Variants in SLC44A5 observed in about 807,000 individuals in gnomAD.
The protein encoded by SLC44A5 is choline transporter-like protein 5.
Under a neutral mutation model 101.8 loss-of-function variants are expected in SLC44A5, and 57 were observed. The observed-to-expected ratio is 0.56, with a 90% CI of 0.45 to 0.70. The LOEUF (loss-of-function observed/expected upper bound fraction) is 0.70, where lower values mean the gene tolerates loss of function less well. Among genes scored for constraint, SLC44A5 ranks in the 30% least tolerant of loss-of-function variants. The pLI, the probability that SLC44A5 is intolerant of heterozygous loss-of-function variation, is 0.00. For missense variants in SLC44A5, 737 were observed against 853.1 expected (o/e 0.86, Z 1.70); for synonymous variants, 281 against 290.9 (o/e 0.97, Z 0.35).
intron 4 of SLC44A5, among the ~76,000 whole-genome samples, chr1:75,311,897 A>G (rs1360606738): frequency 6.6e-6 from 1 of 152,170 alleles, no homozygotes; most frequent in Non-Finnish European, 1.5e-5. Flanking sequence ...AGCAAATGCA[A>G]AGGCCCTGAG....
intron 7 of SLC44A5, among the ~76,000 whole-genome samples, chr1:75,250,913 T>C (rs1243345415): frequency 6.6e-6 from 1 of 152,172 alleles, no homozygotes; most frequent in Non-Finnish European, 1.5e-5. Flanking sequence ...TAATACAATG[T>C]TGATCTTGAT....
the SLC44A5 span, among the ~76,000 whole-genome samples, chr1:75,623,402 A>T: frequency 6.6e-6 from 1 of 152,140 alleles, no homozygotes; most frequent in African/African-American, 2.4e-5. Context: ...AGGCCCAGGT[A>T]GGAAATTCAA....
At chr1:75,674,446 C>A in the SLC44A5 span, among the ~76,000 whole-genome samples, 1 of 152,008 alleles carries the variant, frequency 6.6e-6, no homozygotes, top group Non-Finnish European at 1.5e-5. Flanking sequence ...ATGGCACGAT[C>A]TCAGCTCACT....
chr1:75,712,713 A>AAAAATGAAAAAAAAAAAAAAAAAAAAAAC, the SLC44A5 span, among the ~76,000 whole-genome samples: 2 of 110,642 alleles, frequency 1.8e-5, no homozygotes, highest in Non-Finnish European at 3.5e-5. Context: ...AAAAAAAAAA[A>AAAAATGAAAAAAAAAAAAAAAAAAAAAAC]ATGGAAAAGA....
intron 2 of SLC44A5, among the ~76,000 whole-genome samples, chr1:75,527,258 GA>G (rs1179523348): frequency 6.9e-6 from 1 of 145,914 alleles, no homozygotes; most frequent in African/African-American, 2.5e-5. Context: ...GAGAAGGAAA[GA>G]GAGAGAAAGT....
At chr1:75,661,796 A>G in the SLC44A5 span, among the ~76,000 whole-genome samples, 1 of 152,156 alleles carries the variant, frequency 6.6e-6, no homozygotes, top group Non-Finnish European at 1.5e-5. Flanking sequence ...TCACAATGAG[A>G]TATCACCTCA....
the SLC44A5 span, among the ~76,000 whole-genome samples, chr1:75,647,182 A>T: frequency 6.6e-6 from 1 of 152,178 alleles, no homozygotes; most frequent in Non-Finnish European, 1.5e-5. Flanking sequence ...CCATGGCTAA[A>T]AGGGGCCAAC....
At chr1:75,362,781 G>T (rs1368604168) in intron 3 of SLC44A5, among the ~76,000 whole-genome samples, 2 of 152,018 alleles carry the variant, frequency 1.3e-5, no homozygotes, top group Non-Finnish European at 2.9e-5. Context: ...CTGTTGGACT[G>T]CATGTTCTTT....
chr1:75,663,285 C>T, the SLC44A5 span, among the ~76,000 whole-genome samples: 2 of 151,952 alleles, frequency 1.3e-5, no homozygotes, highest in African/African-American at 4.8e-5. Context: ...GGATTTATGC[C>T]CTTATGAAAG....
the SLC44A5 span, among the ~76,000 whole-genome samples, chr1:75,670,126 AAGAT>A: frequency 2.6e-5 from 4 of 152,180 alleles, no homozygotes; most frequent in African/African-American, 9.6e-5. Context: ...AGAGATCAAA[AAGAT>A]AGAAGATATG....
At chr1:75,265,250 T>G in intron 6 of SLC44A5, among the ~76,000 whole-genome samples, 1 of 152,190 alleles carries the variant, frequency 6.6e-6, no homozygotes, top group East Asian at 1.9e-4. Flanking sequence ...TTATAAGTCA[T>G]TCTGTGAGGC....
intron 4 of SLC44A5, among the ~76,000 whole-genome samples, chr1:75,333,586 C>T (rs1657219670): frequency 6.6e-6 from 1 of 151,942 alleles, no homozygotes; most frequent in Admixed American, 6.6e-5. Flanking sequence ...ATTAACTATG[C>T]TTTCTATGTG....
At chr1:75,365,220 G>A (rs1569989464) in intron 3 of SLC44A5, among the ~76,000 whole-genome samples, 1 of 152,150 alleles carries the variant, frequency 6.6e-6, no homozygotes, top group East Asian at 1.9e-4. Flanking sequence ...TTGTTACATA[G>A]GCAAATGTGT....
chr1:75,450,548 G>T (rs560752027), intron 2 of SLC44A5, among the ~76,000 whole-genome samples: 5 of 152,292 alleles, frequency 3.3e-5, no homozygotes, highest in African/African-American at 1.2e-4. Flanking sequence ...CTGGAATTTT[G>T]CTCCCTACCC....
intron 2 of SLC44A5, among the ~76,000 whole-genome samples, chr1:75,495,466 G>T (rs1668623528): frequency 1.3e-5 from 2 of 151,718 alleles, no homozygotes; most frequent in Admixed American, 1.3e-4. Flanking sequence ...AAAAAACAAA[G>T]AAACAAACAA....
intron 2 of SLC44A5, among the ~76,000 whole-genome samples, chr1:75,510,721 T>A (rs183659038): frequency 2.6e-5 from 4 of 152,318 alleles, no homozygotes; most frequent in Non-Finnish European, 5.9e-5. Context: ...ATTTGCTAAA[T>A]TCAGTGCATC....
chr1:75,698,846 C>T, the SLC44A5 span, among the ~76,000 whole-genome samples: 1 of 152,066 alleles, frequency 6.6e-6, no homozygotes, highest in African/African-American at 2.4e-5. Flanking sequence ...TCGAGAACTA[C>T]GTGAAGAATG....
intron 1 of SLC44A5, among the ~76,000 whole-genome samples, chr1:75,574,249 T>C (rs1673244777): frequency 2.0e-5 from 3 of 152,174 alleles, no homozygotes; most frequent in South Asian, 2.1e-4. Flanking sequence ...GTAGACTGCA[T>C]TGCAGTAATA....
At chr1:75,457,353 C>T (rs1666245256) in intron 2 of SLC44A5, among the ~76,000 whole-genome samples, 1 of 151,966 alleles carries the variant, frequency 6.6e-6, no homozygotes, top group Admixed American at 6.6e-5. Flanking sequence ...TTTAAAAAAA[C>T]AGAAATGAAC....
Sources: gnomAD v4.1 joint callset for allele counts (sites outside exome capture counted in the v4.1 genomes callset) on GRCh38, gnomAD v4.1.1 for gene constraint, MANE v1.5 for transcripts, NCBI Gene and HGNC (gene_info 2026-07-23, HGNC 2026-07-21) for gene names.